TMEM260: variants seen among roughly 807,000 people sequenced by gnomAD.
TMEM260 encodes the protein transmembrane protein 260, also known as protein O-mannosyl-transferase TMEM260.
Under a neutral mutation model 88.9 loss-of-function variants are expected in TMEM260, and 82 were observed. The observed-to-expected ratio is 0.92, with a 90% CI of 0.77 to 1.11. The LOEUF is 1.11. TMEM260 is among the 50% of genes least tolerant of loss of function. The pLI is 0.00. For synonymous variants in TMEM260, 314 were observed against 309.3 expected, an observed-to-expected ratio of 1.02 and a Z score of -0.16; for missense variants, 902 against 853.4, an observed-to-expected ratio of 1.06 and a Z score of -0.71.
downstream of TMEM260, among the ~76,000 whole-genome samples, chr14:56,651,361 A>C (rs948621343): frequency 6.6e-6 from 1 of 152,174 alleles, no homozygotes; most frequent in African/African-American, 2.4e-5. Flanking sequence ...TCAACAATGT[A>C]ACATACATTT....
chr14:56,585,181 T>G (rs1050310847), intron 2 of TMEM260, 149 bp downstream of exon 2: 2 of 658,620 alleles, frequency 3.0e-6, no homozygotes, highest in African/African-American at 3.7e-5. Context: ...ACAATTTACT[T>G]TAAGTTTTAA....
intron 15 of TMEM260, among the ~76,000 whole-genome samples, chr14:56,646,105 T>C (rs1198225616): frequency 6.6e-6 from 1 of 152,198 alleles, no homozygotes; most frequent in African/African-American, 2.4e-5. Context: ...TCTTCCCTAT[T>C]GTATAAAATA....
chr14:56,626,170 AAAG>A (rs1316538557), intron 12 of TMEM260, among the ~76,000 whole-genome samples: 1 of 152,224 alleles, frequency 6.6e-6, no homozygotes, highest in East Asian at 1.9e-4. Context: ...TTTTTCTTAT[AAAG>A]AAGACTTCAG....
At chr14:56,608,475 A>G (rs952064826) in intron 5 of TMEM260, among the ~76,000 whole-genome samples, 2 of 152,190 alleles carry the variant, frequency 1.3e-5, no homozygotes, top group Non-Finnish European at 2.9e-5. Context: ...ATATTTTCCC[A>G]AATAAGGTGT....
chr14:56,629,417 C>T (rs1888441878), intron 12 of TMEM260, among the ~76,000 whole-genome samples: 1 of 151,810 alleles, frequency 6.6e-6, no homozygotes, highest in South Asian at 2.1e-4. Flanking sequence ...TTTTGTGTTA[C>T]ATATTATGTC....
intron 3 of TMEM260, among the ~76,000 whole-genome samples, chr14:56,588,653 G>A (rs1471273489): frequency 2.0e-5 from 3 of 151,964 alleles, no homozygotes; most frequent in Non-Finnish European, 2.9e-5. Flanking sequence ...ATTGAAAGCC[G>A]TGTCACTGTA....
At chr14:56,662,651 C>G in the TMEM260 span, among the ~76,000 whole-genome samples, 11 of 152,234 alleles carry the variant, frequency 7.2e-5, no homozygotes, top group Non-Finnish European at 1.6e-4. Flanking sequence ...GAAACTATCT[C>G]CGACTAGGCT....
chr14:56,610,947 T>TTTTC (rs199554429), intron 6 of TMEM260, among the ~76,000 whole-genome samples: 31 of 148,952 alleles, frequency 2.1e-4, no homozygotes, highest in Admixed American at 2.7e-4. Flanking sequence ...CCAAATATTC[T>TTTTC]TTTCTTTCTT....
chr14:56,599,383 G>T (rs1594826791), intron 3 of TMEM260, among the ~76,000 whole-genome samples: 1 of 152,048 alleles, frequency 6.6e-6, no homozygotes, highest in Admixed American at 6.6e-5. Context: ...GTGTACTGAC[G>T]CTCCTGCTCC....
intron 12 of TMEM260, among the ~76,000 whole-genome samples, chr14:56,627,530 A>G (rs1302021226): frequency 6.6e-6 from 1 of 152,088 alleles, no homozygotes; most frequent in African/African-American, 2.4e-5. Context: ...ACCTACAACA[A>G]CTGCTTTTGT....
In TMEM260 at chr14:56,609,077, G is replaced by A. The variant is rs767266486; in HGVS notation, c.637-29G>A. 2.2e-5 allele frequency: 36 copies of A among 1,606,160 alleles called. No homozygotes were observed. In the Middle Eastern group the frequency reaches 1.2e-3, roughly 52 times the overall value. ...AGATGAATCTACTAAAATAAACATTGTTATACCACCCAATGTGCTCTGATG... is the reference window on the plus strand; with the variant it reads ...AGATGAATCTACTAAAATAAACATTATTATACCACCCAATGTGCTCTGATG... On this transcript the variant is annotated intron_variant, in intron 5 of 15. Transcript: ENST00000261556.
chr14:56,630,312 T>G (rs1888506343), intron 12 of TMEM260, among the ~76,000 whole-genome samples: 1 of 152,206 alleles, frequency 6.6e-6, no homozygotes, highest in Non-Finnish European at 1.5e-5. Context: ...TGGGAATTTT[T>G]CATACATTAT....
intron 3 of TMEM260, among the ~76,000 whole-genome samples, chr14:56,589,396 G>C (rs1885712686): frequency 7.9e-5 from 12 of 152,078 alleles, no homozygotes; most frequent in Admixed American, 7.9e-4. Context: ...CATGTGAATT[G>C]AAAGTAAAGC....
intron 5 of TMEM260, among the ~76,000 whole-genome samples, chr14:56,607,593 T>G (rs1886990064): frequency 6.6e-6 from 1 of 152,154 alleles, no homozygotes; most frequent in African/African-American, 2.4e-5. Context: ...TCTGAGAAGC[T>G]TTTAAAAAGT....
intron 3 of TMEM260, among the ~76,000 whole-genome samples, chr14:56,594,589 G>A (rs1156638404): frequency 5.3e-5 from 8 of 152,058 alleles, no homozygotes; most frequent in Non-Finnish European, 4.4e-5. Flanking sequence ...CTTACTCTAC[G>A]GGTAGATGAC....
intron 15 of TMEM260, among the ~76,000 whole-genome samples, chr14:56,645,541 C>T (rs1457004426): frequency 6.6e-6 from 1 of 151,830 alleles, no homozygotes. Context: ...ATACCTAATG[C>T]TAAATGACGA....
At chr14:56,640,791 G>A (rs1318214894) in intron 15 of TMEM260, among the ~76,000 whole-genome samples, 1 of 152,046 alleles carries the variant, frequency 6.6e-6, no homozygotes, top group Non-Finnish European at 1.5e-5. Context: ...CCAATGCAGA[G>A]AAGTCCTTAA....
intron 15 of TMEM260, among the ~76,000 whole-genome samples, chr14:56,641,948 A>G (rs1280276467): frequency 6.6e-6 from 1 of 152,242 alleles, no homozygotes; most frequent in Non-Finnish European, 1.5e-5. Flanking sequence ...GATCAATTCA[A>G]CAAGAAGAAC....
rs3737170 is a variant in TMEM260, at chr14:56,605,620, C to T, written c.573C>T (p.His191=). 92,720 of 1,582,878 alleles carry T rather than the reference C, an allele frequency of 0.059. 4,495 individuals are homozygous for T. The highest frequency in any genetic ancestry group is 0.24 in the African/African-American group (17,562 of 73,000). ...FCCGLSLCNQ[H]TIILYVLCII... The stretch of plus-strand genomic sequence containing the variant: ...GTGGCCTTAGTTTATGTAACCAGCA[C>T]ACAATAATACTCTATGTTTTGTGCA... The change falls in exon 5 of 16, where the codon CAC becomes CAT. Residue 191 remains histidine (H), a synonymous_variant. Coordinates refer to ENST00000261556, the MANE Select transcript of TMEM260 (RefSeq NM_017799.4).
Sources: allele counts gnomAD v4.1 joint callset (sites outside exome capture counted in the v4.1 genomes callset), GRCh38; gene constraint gnomAD v4.1.1; transcripts MANE v1.5; gene names NCBI Gene and HGNC (gene_info 2026-07-23, HGNC 2026-07-21).